The following LGR6 variants were observed in gnomAD, a reference collection of about 807,000 sequenced individuals.
LGR6 encodes the protein leucine-rich repeat-containing G protein-coupled receptor 6.
Under a neutral mutation model 69.4 loss-of-function variants are expected in LGR6, and 45 were observed. That is an observed-to-expected ratio of 0.65 (90% CI 0.51 to 0.83). The LOEUF (loss-of-function observed/expected upper bound fraction) is 0.83. LGR6 is among the 40% of genes least tolerant of loss of function. The pLI, the probability that LGR6 is intolerant of heterozygous loss-of-function variation, is 0.00. For missense variants in LGR6, 1,108 were observed against 1,246.7 expected (o/e 0.89, Z 1.68); for synonymous variants, 538 against 555.0 (o/e 0.97, Z 0.43).
chr1:202,291,427 A>G (rs895265377), intron 6 of LGR6, among the ~76,000 whole-genome samples: 4 of 152,216 alleles, frequency 2.6e-5, no homozygotes, highest in Admixed American at 2.0e-4. Flanking sequence ...CTAATCCCAA[A>G]GGCCAAGACA....
At chr1:202,234,580 T>A (rs1218698122) in intron 3 of LGR6, among the ~76,000 whole-genome samples, 1 of 152,278 alleles carries the variant, frequency 6.6e-6, no homozygotes, top group East Asian at 1.9e-4. Context: ...AATGGTTAAG[T>A]GTCTAGACTG....
At chr1:202,283,100 A>G (rs1336908804) in intron 6 of LGR6, among the ~76,000 whole-genome samples, 1 of 152,226 alleles carries the variant, frequency 6.6e-6, no homozygotes, top group Non-Finnish European at 1.5e-5. Context: ...CCTGTGGATT[A>G]AGTGAGATGA....
At chr1:202,213,474 G>T (rs1197345929) in intron 1 of LGR6, among the ~76,000 whole-genome samples, 1 of 152,158 alleles carries the variant, frequency 6.6e-6, no homozygotes, top group African/African-American at 2.4e-5. Flanking sequence ...AAGATCAGGG[G>T]CGAGGCAGGT....
At position 202,242,032 on chromosome 1, in the gene LGR6, G is replaced by A. The variant is rs200798232; in HGVS notation, c.428+6039G>A. Among the ~76,000 whole-genome samples the A allele has an allele frequency of 3.3e-3, 509 of 152,332 alleles. 4 individuals carry two copies. The highest frequency in any genetic ancestry group is 0.011 in the African/African-American group (468 of 41,570). On this transcript the variant is annotated intron_variant, in intron 4 of 17. Transcript: ENST00000367278. ...AGAGGAAAAAGGTGGAGAAGCCAGG[G>A]TGGATAGATGATGTGCTGGTGTGCT...
At chr1:202,226,870 A>G (rs756402349) in intron 2 of LGR6, among the ~76,000 whole-genome samples, 8 of 152,214 alleles carry the variant, frequency 5.3e-5, no homozygotes, top group Non-Finnish European at 1.2e-4. Context: ...GGTAAGAGGC[A>G]GTGGAGGGGC....
chr1:202,279,395 G>C (rs1234940494), intron 5 of LGR6, among the ~76,000 whole-genome samples: 1 of 152,122 alleles, frequency 6.6e-6, no homozygotes, highest in Admixed American at 6.5e-5. Flanking sequence ...TGTTGGGTGA[G>C]GCCTGCCCAT....
At chr1:202,289,315 A>T (rs1666623746) in intron 6 of LGR6, among the ~76,000 whole-genome samples, 1 of 152,190 alleles carries the variant, frequency 6.6e-6, no homozygotes, top group Non-Finnish European at 1.5e-5. Context: ...GTTCTAGTAC[A>T]AACTGGATCC....
chr1:202,286,439 C>A (rs1291565707), intron 6 of LGR6, among the ~76,000 whole-genome samples: 1 of 152,194 alleles, frequency 6.6e-6, no homozygotes, highest in African/African-American at 2.4e-5. Context: ...ATCCCCCAAT[C>A]ACTTGTTGAG....
chr1:202,236,607 C>T (rs574843701), intron 4 of LGR6, among the ~76,000 whole-genome samples: 2 of 152,194 alleles, frequency 1.3e-5, no homozygotes, highest in Admixed American at 6.5e-5. Flanking sequence ...TGTAACCCAG[C>T]CCAGTGGGAG....
intron 2 of LGR6, among the ~76,000 whole-genome samples, chr1:202,225,775 G>A (rs1325590528): frequency 1.3e-5 from 2 of 151,982 alleles, no homozygotes; most frequent in Non-Finnish European, 2.9e-5. Flanking sequence ...AGTCATCTTT[G>A]ACCTGCTGTC....
intron 1 of LGR6, among the ~76,000 whole-genome samples, chr1:202,218,020 A>T (rs1659900469): frequency 6.6e-6 from 1 of 152,220 alleles, no homozygotes; most frequent in Admixed American, 6.5e-5. Context: ...AATCTCAAAG[A>T]TGATAGCTAG....
intron 5 of LGR6, among the ~76,000 whole-genome samples, chr1:202,279,351 C>T (rs1349026643): frequency 6.6e-6 from 1 of 152,132 alleles, no homozygotes; most frequent in African/African-American, 2.4e-5. Context: ...CTTTAAATCC[C>T]CAGGCTCGCA....
intron 16 of LGR6, among the ~76,000 whole-genome samples, chr1:202,312,571 A>C (rs1653825174): frequency 6.6e-6 from 1 of 152,210 alleles, no homozygotes; most frequent in Non-Finnish European, 1.5e-5. Context: ...TGTGAACCAA[A>C]GATGGAACAA....
At chr1:202,287,115 C>T (rs181757143) in intron 6 of LGR6, among the ~76,000 whole-genome samples, 2 of 152,306 alleles carry the variant, frequency 1.3e-5, no homozygotes, top group African/African-American at 2.4e-5. Flanking sequence ...AGGTCTGGCC[C>T]TCCCATATCT....
chr1:202,295,870 A>AGTGTGTGTGTGT (rs10522809), intron 6 of LGR6, among the ~76,000 whole-genome samples: 144 of 144,036 alleles, frequency 1.0e-3, no homozygotes, highest in African/African-American at 1.9e-3. Flanking sequence ...TTGGGTAATT[A>AGTGTGTGTGTGT]GTGTGTGTGT....
intron 4 of LGR6, among the ~76,000 whole-genome samples, chr1:202,256,907 A>G (rs1007547317): frequency 6.6e-6 from 1 of 152,108 alleles, no homozygotes; most frequent in Non-Finnish European, 1.5e-5. Flanking sequence ...TAGCCATCCT[A>G]GTGGGTGTGA....
chr1:202,307,296 C>G, intron 13 of LGR6, 34 bp from the exon 14 acceptor site: 2 of 1,602,634 alleles, frequency 1.2e-6, no homozygotes, highest in Non-Finnish European at 1.7e-6. Context: ...CCACATGTTA[C>G]TGTCCCCTCC....
chr1:202,233,417 G>T (rs1046045649), intron 3 of LGR6, among the ~76,000 whole-genome samples: 2 of 152,148 alleles, frequency 1.3e-5, no homozygotes, highest in African/African-American at 4.8e-5. Flanking sequence ...CTCAGCCATC[G>T]TTTCTCTTGT....
chr1:202,253,587 G>GCC (rs915673320), intron 4 of LGR6, among the ~76,000 whole-genome samples: 1 of 147,684 alleles, frequency 6.8e-6, no homozygotes, highest in African/African-American at 2.5e-5. Context: ...ACAGGCGTGA[G>GCC]CCACCGCGCC....
Sources: gnomAD v4.1 joint callset for allele counts (sites outside exome capture counted in the v4.1 genomes callset) on GRCh38, gnomAD v4.1.1 for gene constraint, MANE v1.5 for transcripts, NCBI Gene and HGNC (gene_info 2026-07-23, HGNC 2026-07-21) for gene names.